VSTM2A: variants seen among roughly 807,000 people sequenced by gnomAD.
VSTM2A encodes V-set and transmembrane domain containing 2A.
VSTM2A carries 13 observed loss-of-function variants against 27.3 expected under a neutral mutation model. The ratio of observed to expected loss-of-function variants is 0.48; its 90% CI spans 0.31 to 0.76. VSTM2A has a LOEUF of 0.76. VSTM2A is among the 30% of genes least tolerant of loss of function. The pLI is 0.05. For missense variants in VSTM2A, 280 were observed against 310.0 expected (o/e 0.90, Z 0.73); for synonymous variants, 142 against 125.7 (o/e 1.13, Z -0.87).
chr7:54,546,536 G>T (rs1450528837), intron 2 of VSTM2A: 35 of 154,112 alleles, frequency 2.3e-4, no homozygotes, highest in Non-Finnish European at 6.6e-5. Flanking sequence ...CCTGGCGCCC[G>T]CCCGCCTCAC....
At chr7:54,546,731 C>T (rs1788003617) in intron 2 of VSTM2A, 2 of 521,476 alleles carry the variant, frequency 3.8e-6, no homozygotes, top group Non-Finnish European at 6.7e-6. Context: ...AGCGCGGGGA[C>T]GGCGTGGGGT....
At position 54,549,991 on chromosome 7, in the gene VSTM2A, G is replaced by A; in HGVS notation, c.455G>A (p.Ser152Asn). The change falls in exon 4 of 5, where the codon AGC (serine) becomes AAC (asparagine). Residue 152 changes from serine (S) to asparagine (N), a missense_variant. Physicochemically the swap from Ser to Asn is conservative, Grantham distance 46 (BLOSUM62 1). Transcript: ENST00000402613. ...AQAYLKVNANSHARRMQAFEA... is the reference protein window; with the variant it reads ...AQAYLKVNANNHARRMQAFEA... Reference sequence around the variant, plus strand: ...GCCTATCTGAAAGTCAATGCCAACAGCCATGCCCGCAGAATGCAGGCCTTC... The same window carrying A: ...GCCTATCTGAAAGTCAATGCCAACAACCATGCCCGCAGAATGCAGGCCTTC... 1.2e-6 allele frequency: 2 copies of A among 1,613,160 alleles called. No homozygotes were observed. Among genetic ancestry groups the A allele is most frequent in the Non-Finnish European group, 1.7e-6 (2 of 1,179,512 alleles).
At chr7:54,555,976 A>G (rs1788343276) in intron 4 of VSTM2A, among the ~76,000 whole-genome samples, 1 of 152,142 alleles carries the variant, frequency 6.6e-6, no homozygotes, top group Non-Finnish European at 1.5e-5. Context: ...AGAACCAGAA[A>G]TAAGTATTCT....
At chr7:54,544,541 A>G (rs1787880150) in intron 1 of VSTM2A, 81 bp from the exon 2 acceptor site, 2 of 1,576,606 alleles carry the variant, frequency 1.3e-6, no homozygotes, top group East Asian at 4.5e-5. Context: ...AAGTCCAGGA[A>G]AAATGTAGCG....
intron 1 of VSTM2A, among the ~76,000 whole-genome samples, chr7:54,543,915 T>C (rs1245952850): frequency 2.6e-5 from 4 of 152,216 alleles, no homozygotes; most frequent in Non-Finnish European, 5.9e-5. Flanking sequence ...AGGTTGGTAA[T>C]GAAAAGGCTG....
At chr7:54,543,389 A>G (rs1787847085) in intron 1 of VSTM2A, among the ~76,000 whole-genome samples, 1 of 152,110 alleles carries the variant, frequency 6.6e-6, no homozygotes, top group Admixed American at 6.6e-5. Flanking sequence ...CCATGAACAG[A>G]TCACATCTCT....
chr7:54,550,076 C>T lies in VSTM2A; in HGVS notation c.540C>T (p.Ile180=). 6.2e-7 allele frequency: 1 copy of T among 1,608,954 alleles called. No individual in the cohort carries two copies. The highest frequency in any genetic ancestry group is 1.1e-5 in the South Asian group (1 of 89,884). The change falls in exon 4 of 5, where the codon ATC becomes ATT. Residue 180 remains isoleucine, a synonymous_variant. Transcript: ENST00000402613. ...MKPRKNVSAA[I]PSSIHGSANQ... ...CCCGCAAGAACGTCTCCGCAGCCAT[C>T]CCCAGCAGCATCCATGGCTCTGCCA...
At chr7:54,554,719 G>A (rs1788296830) in intron 4 of VSTM2A, among the ~76,000 whole-genome samples, 1 of 152,178 alleles carries the variant, frequency 6.6e-6, no homozygotes, top group African/African-American at 2.4e-5. Flanking sequence ...ACTGAGTGAA[G>A]CCCAGCCAAG....
At chr7:54,544,845 C>A in intron 2 of VSTM2A, 57 bp downstream of exon 2, 3 of 1,518,192 alleles carry the variant, frequency 2.0e-6, no homozygotes, top group Non-Finnish European at 2.6e-6. Flanking sequence ...CTCAGGGTGT[C>A]CGGCCCGGGG....
chr7:54,564,113 G>T (rs188269904), intron 4 of VSTM2A, among the ~76,000 whole-genome samples: 78 of 152,330 alleles, frequency 5.1e-4, no homozygotes, highest in Admixed American at 3.7e-3. Context: ...TCGAAGAGCT[G>T]TAATGGACAC....
Position 54,569,967 on chromosome 7 carries a change from T to C in VSTM2A, c.*748T>C, listed in dbSNP as rs1413761080. On this transcript the variant is annotated 3_prime_UTR_variant, in exon 5 of 5. Transcript: ENST00000402613. ...CTGTGTGTTGGGCCAATGACCAACT[T>C]TTTTTGACGAAGCATTTGTTTTTCG... 6.6e-6 allele frequency: 1 copy of C among 152,140 alleles called. No homozygotes were observed. Among genetic ancestry groups the C allele is most frequent in the East Asian group, 1.9e-4 (1 of 5,192 alleles). 9.4% of individuals were successfully genotyped at this position (152,140 alleles called of 1,614,324 possible). A position where few individuals can be genotyped will look rare whatever the true frequency, so the allele number is the denominator to read the frequency against.
chr7:54,542,599 C>T lies in VSTM2A; in HGVS notation c.-132C>T, dbSNP rs986844857. ...CCTTCTCCCCACAGCCAGCCCTCGC[C>T]AAGCAAGCAGCAGGATGTTTGCAGT... On this transcript the variant is annotated 5_prime_UTR_variant, in exon 1 of 5. Transcript: ENST00000402613. 6 of 764,958 alleles carry T rather than the reference C, an allele frequency of 7.8e-6. No individual in the cohort carries two copies. In the African/African-American group the frequency reaches 1.0e-4, roughly 13 times the overall value. 47.4% of individuals were successfully genotyped at this position (764,958 alleles called of 1,614,324 possible). A position where few individuals can be genotyped will look rare whatever the true frequency, so the allele number is the denominator to read the frequency against.
chr7:54,542,888 G>T, intron 1 of VSTM2A, 79 bp downstream of exon 1: 2 of 1,338,416 alleles, frequency 1.5e-6, no homozygotes, highest in Middle Eastern at 3.7e-4. Context: ...TGGACAGGCA[G>T]ATAGAATAAG....
chr7:54,558,226 G>A (rs561809183), intron 4 of VSTM2A: 152 of 152,140 alleles, frequency 1.0e-3, no homozygotes, highest in African/African-American at 3.5e-3. Flanking sequence ...AAAGTAATTA[G>A]CAATACATCT....
At chr7:54,568,756 T>C (rs1398628886) in intron 4 of VSTM2A, among the ~76,000 whole-genome samples, 1 of 152,134 alleles carries the variant, frequency 6.6e-6, no homozygotes, top group East Asian at 1.9e-4. Flanking sequence ...GAAAAGTATC[T>C]GGATTTGCCC....
At chr7:54,562,425 T>C (rs1788591231) in intron 4 of VSTM2A, among the ~76,000 whole-genome samples, 1 of 152,164 alleles carries the variant, frequency 6.6e-6, no homozygotes, top group African/African-American at 2.4e-5. Flanking sequence ...GATTTTTCTC[T>C]GACAGTATTG....
chr7:54,547,520 A>C (rs1488073019), intron 3 of VSTM2A, among the ~76,000 whole-genome samples: 1 of 152,162 alleles, frequency 6.6e-6, no homozygotes, highest in African/African-American at 2.4e-5. Context: ...TATAAATGTA[A>C]AACCATTATT....
Position 54,544,781 on chromosome 7 carries a change from G to A in VSTM2A, c.239G>A (p.Gly80Asp), listed in dbSNP as rs946384292. The A allele has an allele frequency of 5.0e-6, 8 of 1,606,272 alleles. No individual in the cohort carries two copies. The highest frequency in any genetic ancestry group is 6.8e-6 in the Non-Finnish European group (8 of 1,176,808). Reference protein sequence around the residue: ...EDLDPGAEGAGAQVELLPDRD... With the variant: ...EDLDPGAEGADAQVELLPDRD... ...CTGGATCCCGGGGCCGAGGGGGCCG[G>A]CGCGCAGGTAGCGGAGCCCGCCGAC... Residue 80 changes from glycine (G) to aspartate (D), a missense_variant, in exon 2 of 5, where the codon GGC becomes GAC. By Grantham distance (94) the Gly-to-Asp change is moderately conservative (BLOSUM62 -1). Transcript: ENST00000402613.
intron 3 of VSTM2A, among the ~76,000 whole-genome samples, chr7:54,549,264 C>T (rs920535204): frequency 2.6e-5 from 4 of 152,082 alleles, no homozygotes; most frequent in Non-Finnish European, 5.9e-5. Context: ...CCATGCCACC[C>T]TATGACTAGA....
Sources: allele counts gnomAD v4.1 joint callset (sites outside exome capture counted in the v4.1 genomes callset), GRCh38; gene constraint gnomAD v4.1.1; transcripts MANE v1.5; gene names NCBI Gene and HGNC (gene_info 2026-07-23, HGNC 2026-07-21).